The following CYP4Z1 variants were observed in gnomAD, a reference collection of about 807,000 sequenced individuals.
The protein encoded by CYP4Z1 is cytochrome P450 4Z1.
CYP4Z1 carries 41 observed loss-of-function variants against 54.2 expected under a neutral mutation model. That is an observed-to-expected ratio of 0.76 (90% confidence interval 0.59 to 0.98). The LOEUF (loss-of-function observed/expected upper bound fraction) is 0.98, where lower values mean the gene tolerates loss of function less well. Ranked by LOEUF, CYP4Z1 falls within the 50% of genes least tolerant of loss-of-function variation. CYP4Z1 has a pLI of 0.00. For synonymous variants in CYP4Z1, 163 were observed against 206.2 expected (o/e 0.79, Z 1.79); for missense variants, 513 against 599.0 (o/e 0.86, Z 1.50).
At chr1:47,105,670 T>C (rs1644751623) in intron 8 of CYP4Z1, among the ~76,000 whole-genome samples, 1 of 152,246 alleles carries the variant, frequency 6.6e-6, no homozygotes, top group Non-Finnish European at 1.5e-5. Context: ...TGTAATTATC[T>C]ACTTGCTATG....
At chr1:47,094,985 T>G (rs1350553713) in intron 7 of CYP4Z1, among the ~76,000 whole-genome samples, 5 of 152,046 alleles carry the variant, frequency 3.3e-5, no homozygotes, top group Non-Finnish European at 1.5e-5. Context: ...TAAGTAAAAT[T>G]AAAATAACAA....
At chr1:47,097,982 A>C (rs1644690588) in intron 7 of CYP4Z1, among the ~76,000 whole-genome samples, 1 of 151,676 alleles carries the variant, frequency 6.6e-6, no homozygotes, top group Non-Finnish European at 1.5e-5. Context: ...TGCCCAGCTA[A>C]TTTTTGTATT....
chr1:47,072,951 G>T (rs1372741173), intron 2 of CYP4Z1, among the ~76,000 whole-genome samples: 6 of 152,066 alleles, frequency 3.9e-5, no homozygotes, highest in African/African-American at 7.3e-5. Context: ...TACACATAAG[G>T]TTTGCCATTT....
At chr1:47,091,226 C>A (rs1189459233) in intron 6 of CYP4Z1, among the ~76,000 whole-genome samples, 1 of 141,844 alleles carries the variant, frequency 7.1e-6, no homozygotes, top group Non-Finnish European at 1.5e-5. Context: ...GATTTAATTT[C>A]TCTTATGACG....
In CYP4Z1 at chr1:47,115,591, C is replaced by G. The variant is rs1404390352; in HGVS notation, c.1264C>G (p.Gln422Glu). The change falls in exon 10 of 12, where the codon CAG (glutamine) becomes GAG (glutamate). Residue 422 changes from glutamine to glutamate, a missense_variant and splice_region_variant. Gln to Glu is a conservative substitution (Grantham distance 29). Coordinates refer to ENST00000334194, the MANE Select transcript of CYP4Z1 (RefSeq NM_178134.3). ...HHNPYFWEDP[Q>E]VFNPLRFSRE... is the part of the protein sequence containing the mutation. ...CAACCCCTATTTCTGGGAAGACCCT[C>G]AGGTATGATTGTCCCAACTGCACCC... 1.2e-6 allele frequency: 2 copies of G among 1,613,296 alleles called. No individual in the cohort carries two copies. Among genetic ancestry groups the G allele is most frequent in the Non-Finnish European group, 1.7e-6 (2 of 1,179,630 alleles).
intron 6 of CYP4Z1, among the ~76,000 whole-genome samples, chr1:47,087,359 CTT>C (rs1387915345): frequency 6.6e-6 from 1 of 152,172 alleles, no homozygotes; most frequent in Non-Finnish European, 1.5e-5. Context: ...TTTGTATCCT[CTT>C]TTATTTCATT....
chr1:47,087,731 A>G (rs1013081602), intron 6 of CYP4Z1, among the ~76,000 whole-genome samples: 2 of 152,084 alleles, frequency 1.3e-5, no homozygotes, highest in Non-Finnish European at 1.5e-5. Context: ...CCAACACTAC[A>G]TTGAATAGGA....
upstream of CYP4Z1, among the ~76,000 whole-genome samples, chr1:47,065,764 A>G (rs1644446322): frequency 6.6e-6 from 1 of 152,146 alleles, no homozygotes; most frequent in Non-Finnish European, 1.5e-5. Context: ...GAGATAAATA[A>G]AATTGATGAA....
At chr1:47,072,767 G>C (rs1326983904) in intron 2 of CYP4Z1, among the ~76,000 whole-genome samples, 1 of 115,676 alleles carries the variant, frequency 8.6e-6, no homozygotes, top group Non-Finnish European at 1.8e-5. Context: ...ATCTCCCTAA[G>C]TCCTATAGGG....
intron 9 of CYP4Z1, among the ~76,000 whole-genome samples, chr1:47,113,976 C>G (rs1176562459): frequency 1.3e-5 from 2 of 152,176 alleles, no homozygotes; most frequent in East Asian, 3.9e-4. Flanking sequence ...AAAAAAGAGT[C>G]CGCATCGCCA....
chr1:47,076,617 G>A (rs1347574282), intron 2 of CYP4Z1, among the ~76,000 whole-genome samples: 14 of 151,708 alleles, frequency 9.2e-5, no homozygotes, highest in Non-Finnish European at 1.5e-4. Context: ...AGGCCGAGGC[G>A]GGTGGATCAT....
chr1:47,066,504 C>T (rs1398427614), upstream of CYP4Z1, among the ~76,000 whole-genome samples: 1 of 152,032 alleles, frequency 6.6e-6, no homozygotes, highest in Non-Finnish European at 1.5e-5. Flanking sequence ...ACAAAACTGG[C>T]ACACCTTAAG....
At position 47,068,834 on chromosome 1, in the gene CYP4Z1, G is replaced by A. The variant is rs148423099; in HGVS notation, c.319+71G>A. On this transcript the variant is annotated intron_variant, in intron 2 of 11. Coordinates refer to ENST00000334194, the MANE Select transcript of CYP4Z1 (RefSeq NM_178134.3). ...GTCTCAGGGTGTCTGTGGCACTAGG[G>A]AAGGACAGGTTGAAGCATTTTTAAG... 11,259 of 1,557,552 alleles carry A rather than the reference G, an allele frequency of 7.2e-3. 607 individuals carry two copies. In the African/African-American group the frequency reaches 0.12, roughly 17 times the overall value.
intron 8 of CYP4Z1, among the ~76,000 whole-genome samples, chr1:47,100,748 T>C (rs1644715222): frequency 6.6e-6 from 1 of 152,246 alleles, no homozygotes; most frequent in South Asian, 2.1e-4. Context: ...TAAGAATTTA[T>C]GTATATGAAA....
At chr1:47,086,687 CTTTAG>C (rs1285005773) in intron 6 of CYP4Z1, among the ~76,000 whole-genome samples, 16 of 152,140 alleles carry the variant, frequency 1.1e-4, no homozygotes, top group African/African-American at 3.4e-4. Context: ...TGCAGAAGCT[CTTTAG>C]TTTAATAAGA....
intron 7 of CYP4Z1, among the ~76,000 whole-genome samples, chr1:47,098,456 TAAAC>T (rs1381653591): frequency 6.6e-6 from 1 of 152,218 alleles, no homozygotes; most frequent in Admixed American, 6.5e-5. Context: ...TATTAATTGT[TAAAC>T]AAAATTAAAT....
chr1:47,100,083 C>T (rs1276648157), intron 8 of CYP4Z1, among the ~76,000 whole-genome samples: 1 of 152,056 alleles, frequency 6.6e-6, no homozygotes, highest in African/African-American at 2.4e-5. Context: ...ACTTTAAATA[C>T]TAGAGTCTAG....
At chr1:47,056,067 A>G in the CYP4Z1 span, among the ~76,000 whole-genome samples, 1 of 151,258 alleles carries the variant, frequency 6.6e-6, no homozygotes, top group Non-Finnish European at 1.5e-5. Context: ...ATTGCTATAA[A>G]TTTCCCTCTA....
At chr1:47,067,790 A>G in intron 1 of CYP4Z1, 123 bp downstream of exon 1, 1 of 879,762 alleles carries the variant, frequency 1.1e-6, no homozygotes, top group Non-Finnish European at 1.6e-6. Context: ...TCTCATTGTG[A>G]TTTTTACAAA....
Sources: allele counts gnomAD v4.1 joint callset (sites outside exome capture counted in the v4.1 genomes callset), GRCh38; gene constraint gnomAD v4.1.1; transcripts MANE v1.5; gene names NCBI Gene and HGNC (gene_info 2026-07-23, HGNC 2026-07-21).